The following SRBD1 variants were observed in gnomAD, a reference collection of about 807,000 sequenced individuals.
The protein encoded by SRBD1 is S1 RNA-binding domain-containing protein 1.
SRBD1 carries 88 observed loss-of-function variants against 115.3 expected under a neutral mutation model. The ratio of observed to expected loss-of-function variants is 0.76; its 90% CI spans 0.64 to 0.91. The LOEUF is 0.91. Ranked by LOEUF, SRBD1 falls within the 40% of genes least tolerant of loss-of-function variation. The pLI is 0.00. For missense variants in SRBD1, 1,385 were observed against 1,177.4 expected (o/e 1.18, Z -2.58); for synonymous variants, 509 against 407.7 (o/e 1.25, Z -2.99).
At chr2:45,493,820 A>T (rs1026660788) in intron 14 of SRBD1, among the ~76,000 whole-genome samples, 1 of 152,022 alleles carries the variant, frequency 6.6e-6, no homozygotes, top group Non-Finnish European at 1.5e-5. Context: ...TCAAAAAAAA[A>T]AAAAAATAAA....
In SRBD1 at chr2:45,581,731, T is replaced by C. The variant is rs761468640; in HGVS notation, c.895A>G (p.Met299Val). The change falls in exon 6 of 21, where the codon ATG becomes GTG. Residue 299 changes from methionine (M) to valine (V), a missense_variant. Coordinates refer to ENST00000263736, the MANE Select transcript of SRBD1 (RefSeq NM_018079.5). The stretch of plus-strand genomic sequence containing the variant: ...TCTTCAAAAGTTTTACAATTCAGCA[T>C]GGCTTTTAACAAGCACTCAGACATC... ...GKMSECLLKAMLNCKTFEELE... is the reference protein window; with the variant it reads ...GKMSECLLKAVLNCKTFEELE... The C allele has an allele frequency of 1.7e-5, 27 of 1,613,464 alleles. 1 individual carries two copies. The highest frequency in any genetic ancestry group is 6.7e-5 in the African/African-American group (5 of 74,916).
intron 14 of SRBD1, among the ~76,000 whole-genome samples, chr2:45,525,569 G>A (rs1170845533): frequency 6.6e-6 from 1 of 151,942 alleles, no homozygotes; most frequent in African/African-American, 2.4e-5. Flanking sequence ...TTAAAAAAAT[G>A]CTGAGAGTGG....
chr2:45,582,393 G>C (rs187383997), intron 5 of SRBD1, among the ~76,000 whole-genome samples: 87 of 152,212 alleles, frequency 5.7e-4, no homozygotes, highest in Admixed American at 5.6e-3. Flanking sequence ...ATTTTGATTT[G>C]TCTCATTACT....
At chr2:45,542,092 G>C (rs577742003) in intron 14 of SRBD1, among the ~76,000 whole-genome samples, 1 of 152,322 alleles carries the variant, frequency 6.6e-6, no homozygotes, top group South Asian at 2.1e-4. Context: ...GTTTGTGCCA[G>C]GGGACACCTG....
intron 10 of SRBD1, among the ~76,000 whole-genome samples, chr2:45,560,096 GA>G (rs1321512615): frequency 4.0e-5 from 6 of 150,500 alleles, no homozygotes; most frequent in Admixed American, 1.3e-4. Context: ...AAAAAGAAAA[GA>G]AAAAAAAGAA....
At chr2:45,413,473 C>T (rs938024477) in intron 18 of SRBD1, among the ~76,000 whole-genome samples, 180 bp from the exon 19 acceptor site, 1 of 152,160 alleles carries the variant, frequency 6.6e-6, no homozygotes, top group Non-Finnish European at 1.5e-5. Flanking sequence ...AAAGGGCTTT[C>T]TGTTACTTAA....
chr2:45,485,567 A>G (rs1483145600), intron 15 of SRBD1, among the ~76,000 whole-genome samples: 1 of 152,202 alleles, frequency 6.6e-6, no homozygotes, highest in African/African-American at 2.4e-5. Context: ...GAGGCCATGT[A>G]CCATGCATTG....
chr2:45,516,772 C>T (rs1248830720), intron 14 of SRBD1, among the ~76,000 whole-genome samples: 1 of 152,086 alleles, frequency 6.6e-6, no homozygotes, highest in African/African-American at 2.4e-5. Flanking sequence ...CATATAGATG[C>T]TGTAAGGAAT....
At position 45,488,222 on chromosome 2, in the gene SRBD1, T is replaced by C. The variant is rs773055973; in HGVS notation, c.1966+18A>G. ...ATATCAAAATCACATGTTTTTGTGATGGTCCATAGTTTCTTACCTGCACTT... is the reference window on the plus strand; with the variant it reads ...ATATCAAAATCACATGTTTTTGTGACGGTCCATAGTTTCTTACCTGCACTT... On this transcript the variant is annotated intron_variant, in intron 15 of 20. Coordinates refer to ENST00000263736, the MANE Select transcript of SRBD1 (RefSeq NM_018079.5). The C allele has an allele frequency of 1.2e-6, 2 of 1,604,724 alleles. No individual in the cohort carries two copies. Among genetic ancestry groups the C allele is most frequent in the Non-Finnish European group, 8.5e-7 (1 of 1,172,096 alleles).
intron 15 of SRBD1, among the ~76,000 whole-genome samples, chr2:45,484,671 C>A (rs1351628126): frequency 6.6e-6 from 1 of 152,144 alleles, no homozygotes; most frequent in Non-Finnish European, 1.5e-5. Flanking sequence ...TGTGCCCCAC[C>A]ATCTCCTATC....
At chr2:45,598,492 T>C (rs1053660777) in intron 4 of SRBD1, among the ~76,000 whole-genome samples, 2 of 151,834 alleles carry the variant, frequency 1.3e-5, no homozygotes, top group East Asian at 1.9e-4. Flanking sequence ...CAGGTGCCTG[T>C]AGTCCCAGCT....
intron 16 of SRBD1, among the ~76,000 whole-genome samples, chr2:45,452,900 C>T (rs145455793): frequency 6.6e-6 from 1 of 151,894 alleles, no homozygotes; most frequent in Admixed American, 6.6e-5. Flanking sequence ...ACTAGGTTTT[C>T]GTTAGAATGT....
intron 4 of SRBD1, among the ~76,000 whole-genome samples, chr2:45,593,253 C>T (rs1178839892): frequency 5.3e-5 from 8 of 152,094 alleles, no homozygotes; most frequent in Admixed American, 3.9e-4. Flanking sequence ...TTATTGTTCC[C>T]ATTTTATAAA....
intron 16 of SRBD1, among the ~76,000 whole-genome samples, chr2:45,425,802 T>C (rs1668135586): frequency 6.6e-6 from 1 of 152,124 alleles, no homozygotes; most frequent in Non-Finnish European, 1.5e-5. Flanking sequence ...CTGTGAGGAA[T>C]GGTACACTCT....
At chr2:45,475,588 A>C (rs1373244478) in intron 16 of SRBD1, among the ~76,000 whole-genome samples, 4 of 152,186 alleles carry the variant, frequency 2.6e-5, no homozygotes, top group Non-Finnish European at 4.4e-5. Context: ...AGGTTTCATA[A>C]ATTTGGAATC....
chr2:45,445,310 A>G (rs1668787532), intron 16 of SRBD1, among the ~76,000 whole-genome samples: 1 of 152,190 alleles, frequency 6.6e-6, no homozygotes, highest in South Asian at 2.1e-4. Flanking sequence ...TTTTACCCAT[A>G]TCCTCCACTG....
chr2:45,555,552 G>A (rs1431816563), intron 10 of SRBD1, among the ~76,000 whole-genome samples: 1 of 147,336 alleles, frequency 6.8e-6, no homozygotes, highest in Non-Finnish European at 1.5e-5. Flanking sequence ...GTGCAGTGGC[G>A]CGATCCCGGC....
At chr2:45,609,865 A>T (rs1208480167) in intron 1 of SRBD1, among the ~76,000 whole-genome samples, 2 of 152,224 alleles carry the variant, frequency 1.3e-5, no homozygotes, top group African/African-American at 4.8e-5. Flanking sequence ...TGCTGTCAAG[A>T]GAGTAAATAC....
At chr2:45,510,154 A>G (rs938407694) in intron 14 of SRBD1, among the ~76,000 whole-genome samples, 27 of 152,248 alleles carry the variant, frequency 1.8e-4, no homozygotes, top group African/African-American at 6.3e-4. Flanking sequence ...ACGCATGTTT[A>G]TGTGTGTATA....
Sources: allele counts gnomAD v4.1 joint callset (sites outside exome capture counted in the v4.1 genomes callset), GRCh38; gene constraint gnomAD v4.1.1; transcripts MANE v1.5; gene names NCBI Gene and HGNC (gene_info 2026-07-23, HGNC 2026-07-21).